The following LRP5 variants were observed in gnomAD, a reference collection of about 807,000 sequenced individuals.
LRP5 encodes the protein low-density lipoprotein receptor-related protein 5.
Under a neutral mutation model 154.1 loss-of-function variants are expected in LRP5, and 62 were observed. The ratio of observed to expected loss-of-function variants is 0.40; its 90% CI spans 0.33 to 0.50. LRP5 has a LOEUF of 0.50. Ranked by LOEUF, LRP5 falls within the 20% of genes least tolerant of loss-of-function variation. The pLI, the probability that LRP5 is intolerant of heterozygous loss-of-function variation, is 0.55. For synonymous variants in LRP5, 966 were observed against 1,011.5 expected (o/e 0.96, Z 0.85); for missense variants, 1,915 against 2,336.7 (o/e 0.82, Z 3.72).
At chr11:68,389,794 C>G (rs1172383975) in intron 6 of LRP5, 87 bp from the exon 7 acceptor site, 4 of 1,418,606 alleles carry the variant, frequency 2.8e-6, no homozygotes, top group African/African-American at 1.4e-5. Flanking sequence ...TGGGGGCCGG[C>G]TTGGGGGCAG....
rs749099090 is a variant in LRP5, at chr11:68,363,884, T to A, written c.824T>A (p.Leu275Gln). The stretch of plus-strand genomic sequence containing the variant: ...ACTGGGGGGAAGAGGAAGGAGATCC[T>A]GAGTGCCCTCTACTCACCCATGGAC... The part of the protein sequence containing the change: ...KRTGGKRKEI[L>Q]SALYSPMDIQ... Residue 275 changes from leucine (L) to glutamine (Q), a missense_variant, in exon 4 of 23, where the codon CTG (leucine) becomes CAG (glutamine). Physicochemically the swap from Leu to Gln is moderately radical, Grantham distance 113. Transcript: ENST00000294304. 6.2e-7 allele frequency: 1 copy of A among 1,612,678 alleles called. No individual in the cohort carries two copies. The highest frequency in any genetic ancestry group is 1.1e-5 in the South Asian group (1 of 91,032).
chr11:68,317,009 T>C (rs2098593811), intron 1 of LRP5, among the ~76,000 whole-genome samples: 1 of 152,262 alleles, frequency 6.6e-6, no homozygotes, highest in Non-Finnish European at 1.5e-5. Flanking sequence ...GGTCCTCGGC[T>C]TGGTGGCCTT....
Position 68,348,066 on chromosome 11 carries a change from T to C in LRP5, c.311T>C (p.Ile104Thr), listed in dbSNP as rs1177918894. The C allele has an allele frequency of 1.2e-6, 2 of 1,613,986 alleles. No individual in the cohort carries two copies. The highest frequency in any genetic ancestry group is 2.7e-5 in the African/African-American group (2 of 74,934). The change falls in exon 2 of 23, where the codon ATC becomes ACC. Residue 104 changes from isoleucine to threonine, a missense_variant. Around this residue, in one of 3 missense-constraint regions of LRP5, gnomAD observed 773 missense variants for 1,100.9 expected, o/e 0.70. Coordinates refer to ENST00000294304, the MANE Select transcript of LRP5 (RefSeq NM_002335.4). ...GGGGCCGCCGTGCAGAACGTGGTCATCTCCGGCCTGGTCTCTCCCGACGGC... is the reference window on the plus strand; with the variant it reads ...GGGGCCGCCGTGCAGAACGTGGTCACCTCCGGCCTGGTCTCTCCCGACGGC... ...QTGAAVQNVV[I>T]SGLVSPDGLA...
chr11:68,403,039 A>C (rs1259857241), intron 7 of LRP5, among the ~76,000 whole-genome samples: 1 of 152,178 alleles, frequency 6.6e-6, no homozygotes, highest in African/African-American at 2.4e-5. Context: ...TGAGGTCAGA[A>C]GTTCGAGACC....
At chr11:68,444,779 A>C (rs2098680541) in intron 21 of LRP5, among the ~76,000 whole-genome samples, 1 of 152,110 alleles carries the variant, frequency 6.6e-6, no homozygotes, top group African/African-American at 2.4e-5. Context: ...AGGTGGAAAC[A>C]GACCCCATAG....
chr11:68,372,994 C>A (rs1260638243), intron 5 of LRP5, among the ~76,000 whole-genome samples: 1 of 152,018 alleles, frequency 6.6e-6, no homozygotes, highest in Non-Finnish European at 1.5e-5. Context: ...AACGCACCCA[C>A]TCCACCAGAA....
At chr11:68,385,614 T>C (rs192647124) in intron 5 of LRP5, among the ~76,000 whole-genome samples, 1 of 151,914 alleles carries the variant, frequency 6.6e-6, no homozygotes, top group African/African-American at 2.4e-5. Flanking sequence ...CAAGTGGTCG[T>C]GAAACTCTGT....
rs563067310 is a variant in LRP5, at chr11:68,439,809, G to A, written c.4381G>A (p.Val1461Met). The A allele has an allele frequency of 4.3e-6, 7 of 1,611,844 alleles. No individual in the cohort carries two copies. The Admixed American group carries it at 5.0e-5, about 12-fold the overall frequency. ...IACGKSMMSSVSLMGGRGGVP... is the reference protein window; with the variant it reads ...IACGKSMMSSMSLMGGRGGVP... ...ATGCGGAAAGTCCATGATGAGCTCC[G>A]TGAGCCTGATGGGGGGCCGGGGCGG... The change falls in exon 21 of 23, where the codon GTG (valine) becomes ATG (methionine). Residue 1461 changes from valine (V) to methionine (M), a missense_variant. Around this residue, in one of 3 missense-constraint regions of LRP5, gnomAD observed 1,094 missense variants for 1,210.1 expected, o/e 0.90. Coordinates refer to ENST00000294304, the MANE Select transcript of LRP5 (RefSeq NM_002335.4).
chr11:68,446,856 C>T (rs778945428), intron 22 of LRP5: 1 of 397,468 alleles, frequency 2.5e-6, no homozygotes, highest in Non-Finnish European at 4.8e-6. Context: ...CAGAGTCTGA[C>T]TGTGTGTTTG....
intron 1 of LRP5, among the ~76,000 whole-genome samples, chr11:68,334,206 C>A (rs1400211189): frequency 6.6e-6 from 1 of 152,136 alleles, no homozygotes; most frequent in African/African-American, 2.4e-5. Context: ...TGCACTCCAG[C>A]CTGGGCAACA....
intron 1 of LRP5, among the ~76,000 whole-genome samples, chr11:68,314,887 G>T (rs1444417709): frequency 3.9e-5 from 6 of 152,224 alleles, no homozygotes; most frequent in African/African-American, 1.4e-4. Flanking sequence ...GAAATTCGCC[G>T]GTGAACCCGA....
intron 8 of LRP5, among the ~76,000 whole-genome samples, chr11:68,406,015 T>G (rs1301541875): frequency 6.6e-6 from 1 of 152,264 alleles, no homozygotes; most frequent in Non-Finnish European, 1.5e-5. Flanking sequence ...CTCCCTGACT[T>G]CCTGACCATG....
chr11:68,445,422 C>T (rs893084700), intron 21 of LRP5, among the ~76,000 whole-genome samples: 2 of 152,220 alleles, frequency 1.3e-5, no homozygotes, highest in African/African-American at 4.8e-5. Context: ...ATTCCCTCCC[C>T]AGGGATCCTG....
chr11:68,314,791 G>T (rs568482300), intron 1 of LRP5, among the ~76,000 whole-genome samples: 176 of 152,366 alleles, frequency 1.2e-3, no homozygotes, highest in African/African-American at 4.2e-3. Flanking sequence ...GGCTGAGTGG[G>T]GTTAACCAAG....
intron 5 of LRP5, among the ~76,000 whole-genome samples, chr11:68,384,517 G>A (rs903878264): frequency 2.0e-5 from 3 of 152,158 alleles, no homozygotes; most frequent in Non-Finnish European, 4.4e-5. Context: ...ATGAGTAGAC[G>A]ATGCCCTAAC....
chr11:68,433,705 G>C lies in LRP5; in HGVS notation c.3867G>C (p.Gln1289His), dbSNP rs767961897. The C allele has an allele frequency of 6.2e-7, 1 of 1,613,118 alleles. No homozygotes were observed. Among genetic ancestry groups the C allele is most frequent in the East Asian group, 2.2e-5 (1 of 44,882 alleles). Residue 1289 changes from glutamine (Q) to histidine (H), a missense_variant, in exon 18 of 23, where the codon CAG (glutamine) becomes CAC (histidine). Gln to His is a conservative substitution (Grantham distance 24, BLOSUM62 0). Coordinates refer to ENST00000294304, the MANE Select transcript of LRP5 (RefSeq NM_002335.4). Reference protein sequence around the residue: ...RCDGFPECDDQSDEEGCPVCS... With the variant: ...RCDGFPECDDHSDEEGCPVCS... ...ACGGCTTTCCCGAGTGCGATGACCAGAGCGACGAGGAGGGCTGCCCCGTGT... is the reference window on the plus strand; with the variant it reads ...ACGGCTTTCCCGAGTGCGATGACCACAGCGACGAGGAGGGCTGCCCCGTGT...
chr11:68,409,720 G>A lies in LRP5; in HGVS notation c.2092-194G>A, dbSNP rs577056703. On this transcript the variant is annotated intron_variant, in intron 9 of 22. Coordinates refer to ENST00000294304, the MANE Select transcript of LRP5 (RefSeq NM_002335.4). Reference sequence around the variant, plus strand: ...AAAAATTAGCCAGGCGTGGTGGCATGTGCCTGTAATCCCCACCTACTTGGG... The same window carrying A: ...AAAAATTAGCCAGGCGTGGTGGCATATGCCTGTAATCCCCACCTACTTGGG... Among the ~76,000 whole-genome samples, 249 of 14,356 alleles carry A rather than the reference G, an allele frequency of 0.017. No individual in the cohort carries two copies. The highest frequency in any genetic ancestry group is 0.024 in the Admixed American group (22 of 928). 9.4% of individuals were successfully genotyped at this position (14,356 alleles called of 152,430 possible).
At chr11:68,317,160 C>T (rs373129696) in intron 1 of LRP5, among the ~76,000 whole-genome samples, 227 of 152,328 alleles carry the variant, frequency 1.5e-3, no homozygotes, top group African/African-American at 4.9e-3. Flanking sequence ...AGGGACCCAC[C>T]GGCTGGCTCC....
chr11:68,314,060 T>C lies in LRP5; in HGVS notation c.91+1255T>C, dbSNP rs571312652. On this transcript the variant is annotated intron_variant, in intron 1 of 22. Transcript: ENST00000294304. The stretch of plus-strand genomic sequence containing the variant: ...GGAGCGTGTTTACATTGTGGGGCCT[T>C]GTCTGGAGCTAGCAAAACAAGGTGA... 7.9e-5 allele frequency among the ~76,000 whole-genome samples: 12 copies of C among 152,292 alleles called. No individual in the cohort carries two copies. In the South Asian group the frequency reaches 2.1e-3, roughly 26 times the overall value.
Sources: gnomAD v4.1 joint callset for allele counts (sites outside exome capture counted in the v4.1 genomes callset) on GRCh38, gnomAD v4.1.1 for gene constraint, gnomAD v4.1.1 regional missense constraint, MANE v1.5 for transcripts, NCBI Gene and HGNC (gene_info 2026-07-23, HGNC 2026-07-21) for gene names.